The following SCAMP4 variants were observed in gnomAD, a reference collection of about 807,000 sequenced individuals.
SCAMP4 encodes the protein secretory carrier membrane protein 4, also known as secretory carrier-associated membrane protein 4.
A neutral mutation model predicts 32.1 loss-of-function variants in SCAMP4; 19 were observed. The observed-to-expected ratio is 0.59, with a 90% confidence interval of 0.41 to 0.87. The LOEUF (loss-of-function observed/expected upper bound fraction) is 0.87. Ranked by LOEUF, SCAMP4 falls within the 40% of genes least tolerant of loss-of-function variation. The probability of loss-of-function intolerance (pLI) is 0.00; values close to 1 mark genes in which losing one functional copy is unlikely to be tolerated. For synonymous variants in SCAMP4, 152 were observed against 132.7 expected, an observed-to-expected ratio of 1.15 and a Z score of -1.00; for missense variants, 302 against 309.0, an observed-to-expected ratio of 0.98 and a Z score of 0.17.
chr19:1,923,120 T>C lies in SCAMP4; in HGVS notation c.446T>C (p.Val149Ala). The change falls in exon 6 of 7, where the codon GTG becomes GCG. Residue 149 changes from valine to alanine, a missense_variant. Transcript: ENST00000316097. ...TTCCAGTACAGCCCGGGCGCTGCCG[T>C]GGTCATGCTGCTTCCAGCCATCATG... ...GFFQYSPGAA[V>A]VMLLPAIMFS... The C allele has an allele frequency of 6.4e-7, 1 of 1,552,924 alleles. No homozygotes were observed. The highest frequency in any genetic ancestry group is 8.7e-7 in the Non-Finnish European group (1 of 1,147,870).
Position 1,915,036 on chromosome 19 carries a change from G to A in SCAMP4, c.7+10G>A. On this transcript the variant is annotated intron_variant, in intron 2 of 6. Transcript: ENST00000316097. Reference sequence around the variant, plus strand: ...GAAACAGAGATGTCAGGTGAGTCCTGCCTGCCTGGGAGCCTCCAGCAGCGT... The same window carrying A: ...GAAACAGAGATGTCAGGTGAGTCCTACCTGCCTGGGAGCCTCCAGCAGCGT... The A allele has an allele frequency of 1.2e-6, 2 of 1,613,758 alleles. No homozygotes were observed. The highest frequency in any genetic ancestry group is 1.7e-6 in the Non-Finnish European group (2 of 1,179,794).
At chr19:1,923,037 G>T in intron 5 of SCAMP4, 33 bp from the exon 6 acceptor site, 1 of 1,512,138 alleles carries the variant, frequency 6.6e-7, no homozygotes, top group Non-Finnish European at 8.9e-7. Flanking sequence ...CAGCAGGTGT[G>T]CAGGCACCCA....
rs190600915 is a variant in SCAMP4, at chr19:1,910,356, G to A, written c.-41-4623G>A. Among the ~76,000 whole-genome samples the A allele has an allele frequency of 6.7e-4, 102 of 152,304 alleles. No individual in the cohort carries two copies. The East Asian group carries it at 7.7e-3, about 12-fold the overall frequency. On this transcript the variant is annotated intron_variant, in intron 1 of 6. Transcript: ENST00000316097. ...CCCTTCTGTCTGGAAGCCAGGCGCC[G>A]CCTGTCCCCGCTTCTGCTTCCAGGC...
intron 3 of SCAMP4, 30 bp from the exon 4 acceptor site, chr19:1,918,097 T>G (rs747781812): frequency 1.3e-6 from 2 of 1,590,580 alleles, no homozygotes; most frequent in Non-Finnish European, 1.7e-6. Context: ...CTCCCGTGCC[T>G]GCTCATCCGT....
At chr19:1,920,286 T>G (rs1449261075) in intron 5 of SCAMP4, 1 of 985,216 alleles carries the variant, frequency 1.0e-6, no homozygotes, top group Non-Finnish European at 1.2e-6. Context: ...TTTCCTGGGC[T>G]CCCATTAGCA....
intron 5 of SCAMP4, chr19:1,922,115 T>C: frequency 1.0e-6 from 1 of 985,452 alleles, no homozygotes; most frequent in Non-Finnish European, 1.2e-6. Flanking sequence ...CATCACCTGT[T>C]AAGACAAAAA....
chr19:1,912,890 G>A, intron 1 of SCAMP4: 3 of 1,607,076 alleles, frequency 1.9e-6, no homozygotes, highest in Non-Finnish European at 2.5e-6. Flanking sequence ...CAGGCGCCGT[G>A]CGTAAACTGG....
intron 6 of SCAMP4, 35 bp downstream of exon 6, chr19:1,923,222 C>T: frequency 6.6e-7 from 1 of 1,508,620 alleles, no homozygotes; most frequent in Non-Finnish European, 9.0e-7. Flanking sequence ...CAGCCCTTAC[C>T]CCTTCTCCAT....
At chr19:1,906,850 CA>C (rs919454906) in intron 1 of SCAMP4, 58 of 66,434 alleles carry the variant, frequency 8.7e-4, no homozygotes, top group African/African-American at 2.1e-3. Context: ...GACTCCGTCT[CA>C]AAAAAAAAAA....
At chr19:1,923,645 G>T (rs1321785969) in intron 6 of SCAMP4, among the ~76,000 whole-genome samples, 1 of 110,536 alleles carries the variant, frequency 9.0e-6, no homozygotes, top group Non-Finnish European at 1.7e-5. Context: ...TTTAGACAGA[G>T]TCTCGCTCTG....
Position 1,911,874 on chromosome 19 carries a change from ACT to A in SCAMP4, c.-41-3102_-41-3101del, listed in dbSNP as rs1231537815. ...TTTTTAAAAACCAATGGCTGTTTAA[ACT>A]CTGTGCACACCAGGGGTTAGCAGGA... On this transcript the variant is annotated intron_variant, in intron 1 of 6. Coordinates refer to ENST00000316097, the MANE Select transcript of SCAMP4 (RefSeq NM_079834.4). 8.7e-6 allele frequency: 6 copies of A among 689,714 alleles called. No individual in the cohort carries two copies. The African/African-American group carries it at 1.1e-4, about 13-fold the overall frequency. 42.7% of individuals were successfully genotyped at this position (689,714 alleles called of 1,614,324 possible).
At position 1,924,558 on chromosome 19, in the gene SCAMP4, G is replaced by A. The variant is rs549844355; in HGVS notation, c.*274G>A. 253 of 488,896 alleles carry A rather than the reference G, an allele frequency of 5.2e-4. No individual in the cohort carries two copies. The highest frequency in any genetic ancestry group is 3.6e-3 in the African/African-American group (185 of 51,744). 30.3% of individuals were successfully genotyped at this position (488,896 alleles called of 1,614,324 possible). A position where few individuals can be genotyped will look rare whatever the true frequency, so the allele number is the denominator to read the frequency against. On this transcript the variant is annotated 3_prime_UTR_variant, in exon 7 of 7. Transcript: ENST00000316097. The stretch of plus-strand genomic sequence containing the variant: ...TGCTCCCGGAAACGTGTGGTCACCC[G>A]CCGTCCACTGCACGGCTGGTACGGC...
At chr19:1,905,753 T>A (rs1021779724) in intron 1 of SCAMP4, 1 of 152,396 alleles carries the variant, frequency 6.6e-6, no homozygotes, top group South Asian at 2.1e-4. Context: ...ATCCTCCAGC[T>A]GCTTCCGGTG....
chr19:1,912,506 C>T (rs916948926), intron 1 of SCAMP4: 5 of 1,495,556 alleles, frequency 3.3e-6, no homozygotes, highest in South Asian at 1.3e-5. Context: ...TGACCAGGGG[C>T]CAGTTCGAGG....
At chr19:1,911,808 A>T in intron 1 of SCAMP4, 1 of 422,216 alleles carries the variant, frequency 2.4e-6, no homozygotes, top group Non-Finnish European at 4.1e-6. Flanking sequence ...ATAAAAAAAA[A>T]AGAAAATGAT....
chr19:1,918,428 C>A, intron 4 of SCAMP4, 145 bp downstream of exon 4: 1 of 1,017,794 alleles, frequency 9.8e-7, no homozygotes, highest in Non-Finnish European at 1.4e-6. Flanking sequence ...AAACTGTGGC[C>A]CACAAGCCAG....
intron 6 of SCAMP4, among the ~76,000 whole-genome samples, chr19:1,923,600 A>G (rs991583706): frequency 1.3e-4 from 18 of 139,722 alleles, no homozygotes; most frequent in Admixed American, 1.0e-3. Context: ...AGAAACTTTC[A>G]GTTACAGCAA....
rs1184740220 is a variant in SCAMP4, at chr19:1,918,296, G to T, written c.293+13G>T. 1.9e-6 allele frequency: 3 copies of T among 1,582,718 alleles called. No homozygotes were observed. In the South Asian group the frequency reaches 3.4e-5, roughly 18 times the overall value. Reference sequence around the variant, plus strand: ...ACAAGGCCTTCCGGTGAGCAGAGCTGCCGGGGGCCGTCTGCACCCAGAGGG... The same window carrying T: ...ACAAGGCCTTCCGGTGAGCAGAGCTTCCGGGGGCCGTCTGCACCCAGAGGG... On this transcript the variant is annotated intron_variant, in intron 4 of 6. Coordinates refer to ENST00000316097, the MANE Select transcript of SCAMP4 (RefSeq NM_079834.4).
chr19:1,912,607 C>A, intron 1 of SCAMP4: 1 of 1,483,882 alleles, frequency 6.7e-7, no homozygotes, highest in African/African-American at 1.5e-5. Context: ...CAGGAGCGCG[C>A]CGCCATGCAG....
Sources: gnomAD v4.1 joint callset for allele counts (sites outside exome capture counted in the v4.1 genomes callset) on GRCh38, gnomAD v4.1.1 for gene constraint, MANE v1.5 for transcripts, NCBI Gene and HGNC (gene_info 2026-07-23, HGNC 2026-07-21) for gene names.